MAF: variants seen among roughly 807,000 people sequenced by gnomAD.
The protein encoded by MAF is MAF bZIP transcription factor, also known as transcription factor Maf.
In MAF, 10 loss-of-function variants were observed where a neutral mutation model predicts 22.0. That is an observed-to-expected ratio of 0.45 (90% confidence interval 0.28 to 0.77). The LOEUF (loss-of-function observed/expected upper bound fraction) is 0.77. Among genes scored for constraint, MAF ranks in the 30% least tolerant of loss-of-function variants. The probability of loss-of-function intolerance (pLI) is 0.12; values close to 1 mark genes in which losing one functional copy is unlikely to be tolerated. For missense variants in MAF, 544 were observed against 548.4 expected, an observed-to-expected ratio of 0.99 and a Z score of 0.08; for synonymous variants, 337 against 255.8, an observed-to-expected ratio of 1.32 and a Z score of -3.03.
chr16:79,516,338 A>G, the MAF span: 127,108 of 151,814 alleles, frequency 0.84, 53,478 homozygotes, highest in East Asian at 0.92. Flanking sequence ...GCCTAGAAGG[A>G]ATATCGGCTT....
chr16:79,592,211 AGTTTT>A (rs60266757), downstream of MAF, among the ~76,000 whole-genome samples: 1 of 152,104 alleles, frequency 6.6e-6, no homozygotes, highest in Non-Finnish European at 1.5e-5. Flanking sequence ...TTGTTTGTTT[AGTTTT>A]GTTTTGTTTC....
the MAF span, among the ~76,000 whole-genome samples, chr16:79,314,819 C>T: frequency 0.75 from 113,289 of 152,006 alleles, 43,779 homozygotes; most frequent in Non-Finnish European, 0.86. Flanking sequence ...TCCTTCCCTT[C>T]CTAGAAGGCA....
chr16:79,455,475 G>A, the MAF span, among the ~76,000 whole-genome samples: 3 of 152,130 alleles, frequency 2.0e-5, no homozygotes, highest in Non-Finnish European at 4.4e-5. Context: ...TCTCGGGTTT[G>A]GAGATTGAGA....
At chr16:79,413,212 T>A in the MAF span, among the ~76,000 whole-genome samples, 182 of 10,276 alleles carry the variant, frequency 0.018, no homozygotes, top group African/African-American at 0.081. Context: ...GCTGTGCAGT[T>A]TTTTTTTTTT....
the MAF span, among the ~76,000 whole-genome samples, chr16:79,542,274 A>G: frequency 6.6e-6 from 1 of 152,168 alleles, no homozygotes; most frequent in Admixed American, 6.5e-5. Context: ...CAGGAACGCA[A>G]ACAGGAAAGC....
chr16:79,380,212 C>A, the MAF span, among the ~76,000 whole-genome samples: 1 of 152,184 alleles, frequency 6.6e-6, no homozygotes, highest in Non-Finnish European at 1.5e-5. Context: ...TCCAGCAGAC[C>A]TTCACTTGAG....
chr16:79,347,111 C>A, the MAF span, among the ~76,000 whole-genome samples: 1 of 152,202 alleles, frequency 6.6e-6, no homozygotes, highest in Non-Finnish European at 1.5e-5. Context: ...ACAAATGCTT[C>A]CTGTTCTTGT....
At chr16:79,222,514 A>T in the MAF span, among the ~76,000 whole-genome samples, 3 of 152,096 alleles carry the variant, frequency 2.0e-5, no homozygotes, top group African/African-American at 4.8e-5. Flanking sequence ...ATAATAATAA[A>T]AAAAAGAAAA....
chr16:79,254,197 A>T, the MAF span, among the ~76,000 whole-genome samples: 1 of 152,270 alleles, frequency 6.6e-6, no homozygotes, highest in African/African-American at 2.4e-5. Flanking sequence ...ACATTTTCGA[A>T]TAATTTTCTA....
chr16:79,442,139 A>G, the MAF span, among the ~76,000 whole-genome samples: 3 of 152,208 alleles, frequency 2.0e-5, no homozygotes, highest in Non-Finnish European at 4.4e-5. Context: ...CAGAATTATG[A>G]ATCAATTTCT....
At chr16:79,496,962 T>C in the MAF span, among the ~76,000 whole-genome samples, 11 of 152,210 alleles carry the variant, frequency 7.2e-5, no homozygotes, top group African/African-American at 2.4e-4. Context: ...ATGTAATTCT[T>C]GGTCTTGGTT....
the MAF span, among the ~76,000 whole-genome samples, chr16:79,504,923 G>C: frequency 1.3e-5 from 2 of 152,158 alleles, no homozygotes; most frequent in Non-Finnish European, 2.9e-5. Context: ...ACAGTGTGGA[G>C]TTACTATTCT....
the MAF span, among the ~76,000 whole-genome samples, chr16:79,246,958 A>T: frequency 6.6e-6 from 1 of 152,240 alleles, no homozygotes; most frequent in African/African-American, 2.4e-5. Flanking sequence ...TGTAGACAGG[A>T]GACAGAGTAA....
At position 79,595,951 on chromosome 16, in the gene MAF, A is replaced by G. The variant is rs958819441; in HGVS notation, c.1119-1398T>C. ...GAAAAGCAAAACAAAACAAACAACT[A>G]TGATTTGTCATGTTTATGTTAAATC... On this transcript the variant is annotated intron_variant, in intron 1 of 1. Coordinates refer to ENST00000326043, the MANE Select transcript of MAF (RefSeq NM_005360.5). The G allele has an allele frequency of 1.0e-5, 11 of 1,061,172 alleles. No individual in the cohort carries two copies. The Admixed American group carries it at 4.3e-4, about 42-fold the overall frequency. 65.7% of individuals were successfully genotyped at this position (1,061,172 alleles called of 1,614,324 possible).
At chr16:79,403,680 T>A in the MAF span, among the ~76,000 whole-genome samples, 1 of 152,186 alleles carries the variant, frequency 6.6e-6, no homozygotes, top group Non-Finnish European at 1.5e-5. Context: ...CATGGTGAGA[T>A]TATTTACTTG....
the MAF span, among the ~76,000 whole-genome samples, chr16:79,534,756 A>T: frequency 2.0e-5 from 3 of 152,180 alleles, no homozygotes; most frequent in East Asian, 1.9e-4. Flanking sequence ...AGAAAGAAAG[A>T]AAAGAAAACT....
chr16:79,278,666 G>A, the MAF span, among the ~76,000 whole-genome samples: 22 of 152,070 alleles, frequency 1.4e-4, no homozygotes, highest in South Asian at 2.1e-4. Flanking sequence ...TTGGGGTTTC[G>A]TGGGTAGAAG....
the MAF span, among the ~76,000 whole-genome samples, chr16:79,330,031 T>C: frequency 1.3e-5 from 2 of 152,142 alleles, no homozygotes; most frequent in Non-Finnish European, 2.9e-5. Context: ...ACCTTACTGA[T>C]TATCAAAGAA....
the MAF span, among the ~76,000 whole-genome samples, chr16:79,298,564 C>A: frequency 6.6e-6 from 1 of 152,206 alleles, no homozygotes; most frequent in African/African-American, 2.4e-5. Context: ...GCCTCTCTTC[C>A]AGCCAGGTTA....
Sources: allele counts gnomAD v4.1 joint callset (sites outside exome capture counted in the v4.1 genomes callset), GRCh38; gene constraint gnomAD v4.1.1; transcripts MANE v1.5; gene names NCBI Gene and HGNC (gene_info 2026-07-23, HGNC 2026-07-21).